Variants in ZEB1 observed in about 807,000 individuals in gnomAD.
The protein encoded by ZEB1 is zinc finger E-box binding homeobox 1.
In ZEB1, 21 loss-of-function variants were observed where a neutral mutation model predicts 84.9. The observed-to-expected ratio is 0.25, with a 90% CI of 0.18 to 0.36. The LOEUF is 0.36. Among genes scored for constraint, ZEB1 ranks in the 10% least tolerant of loss-of-function variants. The pLI is 1.00. For synonymous variants in ZEB1, 420 were observed against 471.1 expected (o/e 0.89, Z 1.41); for missense variants, 1,104 against 1,330.2 (o/e 0.83, Z 2.65).
chr10:31,402,063 C>A (rs895280051), intron 1 of ZEB1, among the ~76,000 whole-genome samples: 1 of 151,802 alleles, frequency 6.6e-6, no homozygotes, highest in African/African-American at 2.4e-5. Context: ...AAAGTTTCAA[C>A]TTCCAGAAGG....
chr10:31,351,888 T>C (rs2041371013), intron 1 of ZEB1, among the ~76,000 whole-genome samples: 1 of 152,186 alleles, frequency 6.6e-6, no homozygotes, highest in African/African-American at 2.4e-5. Context: ...ATTTTGCTGG[T>C]ATACTGATAC....
intron 1 of ZEB1, chr10:31,361,193 T>TCAACTA (rs2043005432): frequency 6.2e-7 from 1 of 1,611,752 alleles, no homozygotes; most frequent in East Asian, 2.2e-5. Flanking sequence ...CATCCTGCTC[T>TCAACTA]CAACTACAAC....
chr10:31,387,103 T>G, intron 1 of ZEB1: 1 of 985,872 alleles, frequency 1.0e-6, no homozygotes, highest in Non-Finnish European at 1.2e-6. Context: ...TATAATCTTT[T>G]ACTCTTCTCT....
At chr10:31,330,658 G>T (rs953811280) in intron 1 of ZEB1, among the ~76,000 whole-genome samples, 4 of 152,108 alleles carry the variant, frequency 2.6e-5, no homozygotes, top group Non-Finnish European at 5.9e-5. Context: ...TGATCTTACT[G>T]ATTTTTGGCT....
chr10:31,510,624 ATAT>A, intron 4 of ZEB1, 46 bp from the exon 5 acceptor site: 1 of 1,523,616 alleles, frequency 6.6e-7, no homozygotes, highest in Non-Finnish European at 9.0e-7. Context: ...AACTTTGGTA[ATAT>A]TTTCTGAATG....
At chr10:31,437,924 A>G (rs2058470984) in intron 1 of ZEB1, among the ~76,000 whole-genome samples, 1 of 152,226 alleles carries the variant, frequency 6.6e-6, no homozygotes, top group Admixed American at 6.5e-5. Flanking sequence ...GATAAGCCTC[A>G]AAGCCAATCA....
chr10:31,473,524 G>A (rs2063592624), intron 2 of ZEB1, among the ~76,000 whole-genome samples: 2 of 151,910 alleles, frequency 1.3e-5, no homozygotes, highest in South Asian at 2.1e-4. Context: ...ACCTCTTCAA[G>A]GAGAACTACA....
At position 31,520,566 on chromosome 10, in the gene ZEB1, G is replaced by A. The variant is rs776898213; in HGVS notation, c.1234G>A (p.Asp412Asn). ...LVSPISINLS[D>N]IQNVLKVAVD... ...GTCTCCCATAAGTATCAATTTAAGT[G>A]ATATTCAGAATGTACTTAAAGTGGC... is the stretch of plus-strand genomic sequence containing the variant. Residue 412 changes from aspartate (D) to asparagine (N), a missense_variant, in exon 7 of 9, where the codon GAT becomes AAT. Asp to Asn is a conservative substitution (Grantham distance 23). This residue lies in a region of ZEB1 where 531 missense variants were observed against 575.2 expected (regional missense o/e 0.92). Coordinates refer to ENST00000424869, the MANE Select transcript of ZEB1 (RefSeq NM_001174096.2). This position sits in a 1 kb window ranked among gnomAD's most constrained non-coding sequence, Gnocchi z 5.1. The A allele has an allele frequency of 6.2e-7, 1 of 1,614,040 alleles. No homozygotes were observed. Among genetic ancestry groups the A allele is most frequent in the South Asian group, 1.1e-5 (1 of 91,074 alleles).
chr10:31,484,200 A>G (rs2065435972), intron 2 of ZEB1, among the ~76,000 whole-genome samples: 1 of 151,978 alleles, frequency 6.6e-6, no homozygotes, highest in East Asian at 1.9e-4. Context: ...GAGGTCCATA[A>G]TTTTAATCAC....
intron 1 of ZEB1, among the ~76,000 whole-genome samples, chr10:31,441,260 A>G (rs1017865856): frequency 2.6e-5 from 4 of 152,368 alleles, no homozygotes; most frequent in Admixed American, 6.5e-5. Flanking sequence ...CCACACATCT[A>G]CAACCATCTG....
At chr10:31,362,149 C>T (rs1204642239) in intron 1 of ZEB1, among the ~76,000 whole-genome samples, 53 of 151,150 alleles carry the variant, frequency 3.5e-4, no homozygotes, top group African/African-American at 1.2e-3. Context: ...CTCCTTGTTT[C>T]CCAGATGGGG....
At position 31,495,764 on chromosome 10, in the gene ZEB1, C is replaced by CT; in HGVS notation, c.260-9dup. On this transcript the variant is annotated splice_polypyrimidine_tract_variant and intron_variant, in intron 2 of 8. Coordinates refer to ENST00000424869, the MANE Select transcript of ZEB1 (RefSeq NM_001174096.2). ...CACTATAGATCTATTTTAATTTCTTCTTTGATTTCAGCAGGAAAGGAAGGG... is the reference window on the plus strand; with the variant it reads ...CACTATAGATCTATTTTAATTTCTTCTTTTGATTTCAGCAGGAAAGGAAGGG... 2 of 1,612,558 alleles carry CT rather than the reference C, an allele frequency of 1.2e-6. No homozygotes were observed. The highest frequency in any genetic ancestry group is 1.7e-6 in the Non-Finnish European group (2 of 1,178,904).
rs547105424 is a variant in ZEB1 at position 31,433,508 on chromosome 10, A to T, written c.59-27529A>T. 9.2e-5 allele frequency among the ~76,000 whole-genome samples: 14 copies of T among 152,332 alleles called. No homozygotes were observed. The East Asian group carries it at 1.5e-3, about 17-fold the overall frequency. On this transcript the variant is annotated intron_variant, in intron 1 of 8. Transcript: ENST00000424869. ...AATAACCATTGTTTGTCAGTTGGTT[A>T]TTCTTTCAAGTTAAATAGATGTACC... is the stretch of plus-strand genomic sequence containing the variant.
At chr10:31,419,281 G>T (rs745589459) in intron 1 of ZEB1, among the ~76,000 whole-genome samples, 7 of 152,112 alleles carry the variant, frequency 4.6e-5, no homozygotes, top group African/African-American at 1.2e-4. Flanking sequence ...TGAATGCCCT[G>T]GGGGGATAAG....
At chr10:31,447,398 A>C (rs1210976210) in intron 1 of ZEB1, among the ~76,000 whole-genome samples, 5 of 127,608 alleles carry the variant, frequency 3.9e-5, no homozygotes, top group East Asian at 2.2e-4. Flanking sequence ...TTAATTGGAG[A>C]ATTTAGTCCA....
intron 1 of ZEB1, among the ~76,000 whole-genome samples, chr10:31,338,682 A>G (rs1435462530): frequency 1.3e-5 from 2 of 152,070 alleles, no homozygotes; most frequent in Non-Finnish European, 2.9e-5. Context: ...GCTTAGATTT[A>G]CTCTTCAATG....
At position 31,469,621 on chromosome 10, in the gene ZEB1, C is replaced by A. The variant is rs535247476; in HGVS notation, c.259+8384C>A. 3.3e-5 allele frequency among the ~76,000 whole-genome samples: 5 copies of A among 152,356 alleles called. No homozygotes were observed. In the South Asian group the frequency reaches 1.0e-3, roughly 32 times the overall value. ...AGTCTGAGATCAAACTGCAAGGCAG[C>A]AGCGAGGCTGGGGGAGGGGCGCCCG... On this transcript the variant is annotated intron_variant, in intron 2 of 8. Transcript: ENST00000424869.
chr10:31,319,391 C>T, intron 1 of ZEB1, 99 bp downstream of exon 1: 1 of 1,235,378 alleles, frequency 8.1e-7, no homozygotes, highest in East Asian at 2.4e-5. Flanking sequence ...TGGGGGCAGC[C>T]GGGGCAGGGA....
chr10:31,404,738 TTTATTTTTTTCAATCTGAAGA>T (rs1467836470), intron 1 of ZEB1, among the ~76,000 whole-genome samples: 1 of 152,148 alleles, frequency 6.6e-6, no homozygotes, highest in Non-Finnish European at 1.5e-5. Context: ...CACCTCTCCT[TTTATTTTTTTCAATCTGAAGA>T]TAGTAGCATG....
Sources: allele counts gnomAD v4.1 joint callset (sites outside exome capture counted in the v4.1 genomes callset), GRCh38; gene constraint gnomAD v4.1.1; regional missense constraint gnomAD v4.1.1; non-coding constraint Gnocchi (gnomAD v3.1); transcripts MANE v1.5; gene names NCBI Gene and HGNC (gene_info 2026-07-23, HGNC 2026-07-21).